The following KHDRBS3 variants were observed in gnomAD, a reference collection of about 807,000 sequenced individuals.
KHDRBS3 encodes the protein KH RNA binding domain containing, signal transduction associated 3.
KHDRBS3 carries 23 observed loss-of-function variants against 45.6 expected under a neutral mutation model. The observed-to-expected ratio is 0.50, with a 90% CI of 0.36 to 0.72. The LOEUF is 0.72. Among genes scored for constraint, KHDRBS3 ranks in the 30% least tolerant of loss-of-function variants. The pLI is 0.00. For synonymous variants in KHDRBS3, 162 were observed against 156.5 expected (o/e 1.04, Z -0.26); for missense variants, 352 against 424.8 (o/e 0.83, Z 1.51).
intron 8 of KHDRBS3, 95 bp from the exon 9 acceptor site, chr8:135,646,898 T>C: frequency 4.1e-6 from 3 of 730,310 alleles, no homozygotes; most frequent in Non-Finnish European, 7.6e-6. Context: ...CAATATGACA[T>C]GTACCTTTGG....
At chr8:135,467,879 A>C (rs1234177161) in intron 1 of KHDRBS3, among the ~76,000 whole-genome samples, 3 of 152,168 alleles carry the variant, frequency 2.0e-5, no homozygotes, top group African/African-American at 4.8e-5. Flanking sequence ...ACTCTCCCTC[A>C]CATCTTTTAG....
chr8:135,525,352 C>G (rs1168077780), intron 2 of KHDRBS3, among the ~76,000 whole-genome samples: 1 of 152,116 alleles, frequency 6.6e-6, no homozygotes, highest in African/African-American at 2.4e-5. Context: ...TGGTTATCTG[C>G]AACTCTGACC....
chr8:135,478,768 T>C (rs1033865354), intron 1 of KHDRBS3, among the ~76,000 whole-genome samples: 2 of 152,178 alleles, frequency 1.3e-5, no homozygotes, highest in African/African-American at 4.8e-5. Context: ...AGAAAATATT[T>C]TGACATAGAT....
At chr8:135,533,983 A>G (rs780553464) in intron 2 of KHDRBS3, among the ~76,000 whole-genome samples, 5 of 152,214 alleles carry the variant, frequency 3.3e-5, no homozygotes, top group Non-Finnish European at 5.9e-5. Flanking sequence ...GGATACTGGA[A>G]ATAAAGTTTC....
intron 1 of KHDRBS3, among the ~76,000 whole-genome samples, chr8:135,480,992 C>A (rs771881070): frequency 1.3e-5 from 2 of 152,048 alleles, no homozygotes; most frequent in African/African-American, 2.4e-5. Flanking sequence ...CAGCATTATT[C>A]TTCTCCCTTT....
At chr8:135,588,459 G>T (rs113888695) in intron 6 of KHDRBS3, among the ~76,000 whole-genome samples, 15 of 152,090 alleles carry the variant, frequency 9.9e-5, no homozygotes, top group African/African-American at 3.1e-4. Context: ...AGACGTACTT[G>T]ATTAAATAAT....
Position 135,587,232 on chromosome 8 carries a change from G to C in KHDRBS3, c.807+5159G>C, listed in dbSNP as rs556631216. Reference sequence around the variant, plus strand: ...TCTGAGCCAACTGTTCTTCATCGGAGTTACTGTAACAAAATATTCCCTGAG... The same window carrying C: ...TCTGAGCCAACTGTTCTTCATCGGACTTACTGTAACAAAATATTCCCTGAG... On this transcript the variant is annotated intron_variant, in intron 6 of 8. Transcript: ENST00000355849. Among the ~76,000 whole-genome samples, 15 of 152,288 alleles carry C rather than the reference G, an allele frequency of 9.8e-5. 1 individual carries two copies. In the South Asian group the frequency reaches 3.1e-3, roughly 32 times the overall value.
At chr8:135,635,660 G>A (rs1009581561) in intron 7 of KHDRBS3, among the ~76,000 whole-genome samples, 2 of 152,164 alleles carry the variant, frequency 1.3e-5, no homozygotes, top group Non-Finnish European at 2.9e-5. Flanking sequence ...TGGGATTACA[G>A]GCGTGAGCCA....
At chr8:135,566,623 G>C (rs1486067077) in intron 5 of KHDRBS3, among the ~76,000 whole-genome samples, 1 of 152,152 alleles carries the variant, frequency 6.6e-6, no homozygotes, top group Admixed American at 6.5e-5. Flanking sequence ...CGGAGGCCAA[G>C]GTGGGAAGAT....
chr8:135,550,705 C>T (rs1291039447), intron 4 of KHDRBS3, among the ~76,000 whole-genome samples: 1 of 151,552 alleles, frequency 6.6e-6, no homozygotes, highest in Non-Finnish European at 1.5e-5. Flanking sequence ...GCTTTTCTGG[C>T]TTCTTAGCAT....
downstream of KHDRBS3, among the ~76,000 whole-genome samples, chr8:135,649,661 CTGTAG>C (rs1210405091): frequency 2.0e-5 from 3 of 152,000 alleles, no homozygotes; most frequent in Non-Finnish European, 4.4e-5. Context: ...CACCACATCT[CTGTAG>C]TGTGTGATGT....
intron 7 of KHDRBS3, among the ~76,000 whole-genome samples, chr8:135,628,652 T>A (rs1830472571): frequency 6.6e-6 from 1 of 152,238 alleles, no homozygotes; most frequent in Non-Finnish European, 1.5e-5. Context: ...TGTCTCCACA[T>A]GCCCATCATC....
intron 1 of KHDRBS3, among the ~76,000 whole-genome samples, chr8:135,463,026 G>A (rs768604243): frequency 6.6e-6 from 1 of 152,116 alleles, no homozygotes; most frequent in Non-Finnish European, 1.5e-5. Flanking sequence ...CCTAAGATAA[G>A]TCCTCTGACC....
At chr8:135,554,032 A>G (rs1191308836) in intron 4 of KHDRBS3, among the ~76,000 whole-genome samples, 2 of 152,212 alleles carry the variant, frequency 1.3e-5, no homozygotes, top group Non-Finnish European at 2.9e-5. Flanking sequence ...ATTTGACACC[A>G]GGAGAAACAG....
At chr8:135,507,560 C>T (rs573790833) in intron 1 of KHDRBS3, among the ~76,000 whole-genome samples, 1 of 152,184 alleles carries the variant, frequency 6.6e-6, no homozygotes, top group East Asian at 1.9e-4. Context: ...TTAACGAAAT[C>T]CCTACGTTTT....
intron 4 of KHDRBS3, among the ~76,000 whole-genome samples, chr8:135,551,775 T>G (rs1157302689): frequency 6.6e-6 from 1 of 152,190 alleles, no homozygotes; most frequent in Non-Finnish European, 1.5e-5. Context: ...TTTCTTCCTG[T>G]GGATAGAGCT....
chr8:135,635,835 C>T (rs780811385), intron 7 of KHDRBS3, among the ~76,000 whole-genome samples: 1 of 152,168 alleles, frequency 6.6e-6, no homozygotes, highest in Non-Finnish European at 1.5e-5. Context: ...AATGTCACTT[C>T]GCTGCATTAT....
At chr8:135,479,504 G>C (rs1439826368) in intron 1 of KHDRBS3, among the ~76,000 whole-genome samples, 3 of 152,156 alleles carry the variant, frequency 2.0e-5, no homozygotes, top group Non-Finnish European at 4.4e-5. Context: ...AAAATGTATT[G>C]CTCAGAGTTC....
chr8:135,622,608 A>G (rs1161593375), intron 7 of KHDRBS3, among the ~76,000 whole-genome samples: 2 of 152,254 alleles, frequency 1.3e-5, no homozygotes, highest in Non-Finnish European at 2.9e-5. Flanking sequence ...TCTAAATATC[A>G]AATGTGTTTA....
Sources: gnomAD v4.1 joint callset for allele counts (sites outside exome capture counted in the v4.1 genomes callset) on GRCh38, gnomAD v4.1.1 for gene constraint, MANE v1.5 for transcripts, NCBI Gene and HGNC (gene_info 2026-07-23, HGNC 2026-07-21) for gene names.